DNAH1: variants seen among roughly 807,000 people sequenced by gnomAD.
The protein encoded by DNAH1 is axonemal beta dynein heavy chain 1.
A neutral mutation model predicts 484.3 loss-of-function variants in DNAH1; 327 were observed. That is an observed-to-expected ratio of 0.68 (90% CI 0.62 to 0.74). The LOEUF (loss-of-function observed/expected upper bound fraction) is 0.74. Ranked by LOEUF, DNAH1 falls within the 30% of genes least tolerant of loss-of-function variation. The pLI, the probability that DNAH1 is intolerant of heterozygous loss-of-function variation, is 0.00. For missense variants in DNAH1, 5,052 were observed against 5,546.8 expected (o/e 0.91, Z 2.83); for synonymous variants, 2,192 against 2,191.9 (o/e 1.00, Z 0.00).
intron 34 of DNAH1, among the ~76,000 whole-genome samples, chr3:52,365,457 A>T (rs575084908): frequency 9.2e-5 from 14 of 152,080 alleles, no homozygotes; most frequent in Non-Finnish European, 1.5e-4. Context: ...GTTGAGTGAC[A>T]CCCCTGGCGT....
intron 8 of DNAH1, among the ~76,000 whole-genome samples, chr3:52,337,431 C>G (rs541373518): frequency 1.4e-4 from 22 of 152,258 alleles, no homozygotes; most frequent in African/African-American, 5.3e-4. Flanking sequence ...CTATTTTGAG[C>G]CTTTCTAAAC....
rs138422594 is a variant in DNAH1 at position 52,350,004 on chromosome 3, C to T, written c.2542C>T (p.Arg848Cys). 2.0e-4 allele frequency: 316 copies of T among 1,610,528 alleles called. No individual in the cohort carries two copies. The highest frequency in any genetic ancestry group is 8.0e-4 in the African/African-American group (60 of 75,006). ...CCACTGCCAGATCTGCGAGGAGTTC[C>T]GCAGCATCAGCCGCAAGATCTATGA... ...KEVDSICEEF[R>C]SISRKIYEKP... The change falls in exon 15 of 78, where the codon CGC becomes TGC. Residue 848 changes from arginine to cysteine, a missense_variant. By Grantham distance (180) the Arg-to-Cys change is radical. Transcript: ENST00000420323.
At chr3:52,370,280 G>A in intron 39 of DNAH1, 51 bp downstream of exon 39, 1 of 1,590,226 alleles carries the variant, frequency 6.3e-7, no homozygotes, top group East Asian at 2.3e-5. Flanking sequence ...TCCCCACACT[G>A]CTCTCCTTGC....
chr3:52,320,783 TTTTC>T (rs1041838126), intron 1 of DNAH1, among the ~76,000 whole-genome samples: 16 of 151,132 alleles, frequency 1.1e-4, no homozygotes, highest in Admixed American at 7.9e-4. Context: ...GATGCTTTCC[TTTTC>T]TTTCTTTCTT....
At chr3:52,359,446 C>T in intron 26 of DNAH1, 60 bp downstream of exon 26, 1 of 1,541,846 alleles carries the variant, frequency 6.5e-7, no homozygotes, top group East Asian at 2.4e-5. Flanking sequence ...ACAGGAGGGC[C>T]CAGTCCCTCC....
intron 5 of DNAH1, among the ~76,000 whole-genome samples, chr3:52,327,197 T>C (rs889923570): frequency 6.6e-6 from 1 of 151,820 alleles, no homozygotes; most frequent in African/African-American, 2.4e-5. Context: ...CTGTGGAGTA[T>C]CCTCCCTGAC....
At chr3:52,385,051 G>A (rs1321247594) in intron 53 of DNAH1, 74 bp downstream of exon 53, 2 of 1,491,112 alleles carry the variant, frequency 1.3e-6, no homozygotes, top group African/African-American at 1.4e-5. Flanking sequence ...CTGACTCCAG[G>A]GTGACACCAT....
At position 52,362,337 on chromosome 3, in the gene DNAH1, G is replaced by A; in HGVS notation, c.4981-51G>A. ...GACAAGGGGCCCACTCAGAGGAGGG[G>A]ACAAGGCTGGGCACCCTAGTCCCAG... On this transcript the variant is annotated intron_variant, in intron 30 of 77. Transcript: ENST00000420323. This position sits in a 1 kb window ranked among gnomAD's most constrained non-coding sequence, Gnocchi z 5.1. 6.5e-7 allele frequency: 1 copy of A among 1,526,958 alleles called. No homozygotes were observed. Among genetic ancestry groups the A allele is most frequent in the Non-Finnish European group, 9.0e-7 (1 of 1,112,712 alleles). 94.6% of individuals were successfully genotyped at this position (1,526,958 alleles called of 1,614,324 possible). A position where few individuals can be genotyped will look rare whatever the true frequency, so the allele number is the denominator to read the frequency against.
intron 52 of DNAH1, 25 bp from the exon 53 acceptor site, chr3:52,384,761 G>A (rs779576658): frequency 2.2e-5 from 34 of 1,566,512 alleles, no homozygotes; most frequent in Admixed American, 7.4e-5. Context: ...CTACCAGGCC[G>A]GCATCCATGG....
At position 52,353,897 on chromosome 3, in the gene DNAH1, A is replaced by C. The variant is rs1011273162; in HGVS notation, c.3480+264A>C. 102 of 480,434 alleles carry C rather than the reference A, an allele frequency of 2.1e-4. No homozygotes were observed. Among genetic ancestry groups the C allele is most frequent in the Non-Finnish European group, 3.6e-4 (95 of 265,846 alleles). The allele number at this position is 480,434 out of a possible 1,614,324, so 29.8% of individuals were successfully genotyped here. A position where few individuals can be genotyped will look rare whatever the true frequency, so the allele number is the denominator to read the frequency against. On this transcript the variant is annotated intron_variant, in intron 20 of 77. Coordinates refer to ENST00000420323, the MANE Select transcript of DNAH1 (RefSeq NM_015512.5). The surrounding 1 kb of genome is among the most constrained non-coding windows in gnomAD (Gnocchi z 5.0). ...GAGCTAATAGCATTAGCCTCAATTTAACAGATGTGTCAGGCCGGGTGCAGT... is the reference window on the plus strand; with the variant it reads ...GAGCTAATAGCATTAGCCTCAATTTCACAGATGTGTCAGGCCGGGTGCAGT...
chr3:52,344,493 TC>T lies in DNAH1; in HGVS notation c.1291del (p.Leu431Ter). 6.2e-7 allele frequency: 1 copy of T among 1,613,776 alleles called. No homozygotes were observed. Among genetic ancestry groups the T allele is most frequent in the Non-Finnish European group, 8.5e-7 (1 of 1,179,728 alleles). ...TPRMRKGPSV[L>X]EHLSSLAREV... is the part of the protein sequence containing the mutation. ...CATCTCCCATCTCTATGGGCAGGGT[TC>T]TAGAGCACCTCAGCAGTCTTGCCAG... On this transcript the variant is annotated frameshift_variant, in exon 9 of 78. Transcript: ENST00000420323. LOFTEE classifies it high-confidence loss of function.
intron 15 of DNAH1, 25 bp downstream of exon 15, chr3:52,350,133 G>C: frequency 6.2e-7 from 1 of 1,604,174 alleles, no homozygotes; most frequent in South Asian, 1.1e-5. Context: ...CGGGCACTGG[G>C]GCCAGGGAGG....
chr3:52,374,692 C>CA (rs748345416), intron 44 of DNAH1: 1 of 1,417,466 alleles, frequency 7.1e-7, no homozygotes, highest in Non-Finnish European at 1.0e-6. Context: ...TACCACAACT[C>CA]AAAGACCCAT....
chr3:52,351,071 A>G (rs1002063032), intron 16 of DNAH1, among the ~76,000 whole-genome samples: 1 of 152,110 alleles, frequency 6.6e-6, no homozygotes, highest in African/African-American at 2.4e-5. Context: ...GCTGGTCTCG[A>G]ACTCCTGACC....
At chr3:52,346,398 A>G (rs1040948408) in intron 10 of DNAH1, 74 bp from the exon 11 acceptor site, 1 of 1,455,550 alleles carries the variant, frequency 6.9e-7, no homozygotes, top group African/African-American at 1.4e-5. Flanking sequence ...ACCCTGGTGC[A>G]TAGAGTCCCT....
In DNAH1 at chr3:52,353,868, G is replaced by GA; in HGVS notation, c.3480+237dup. The GA allele has an allele frequency of 1.7e-6, 1 of 585,658 alleles. No individual in the cohort carries two copies. The highest frequency in any genetic ancestry group is 2.0e-5 in the South Asian group (1 of 50,050). The allele number at this position is 585,658 out of a possible 1,614,324, so 36.3% of individuals were successfully genotyped here. On this transcript the variant is annotated intron_variant, in intron 20 of 77. Transcript: ENST00000420323. This position sits in a 1 kb window ranked among gnomAD's most constrained non-coding sequence, Gnocchi z 5.0. The stretch of plus-strand genomic sequence containing the variant: ...CAGTTACTCCTCTCAAGAGCCCCAG[G>GA]AAGGAGCTAATAGCATTAGCCTCAA...
upstream of DNAH1, among the ~76,000 whole-genome samples, chr3:52,314,526 A>G (rs1286307442): frequency 6.6e-6 from 1 of 152,188 alleles, no homozygotes; most frequent in African/African-American, 2.4e-5. Flanking sequence ...GGGTTGCTCT[A>G]TCTTCCAGTC....
At position 52,395,518 on chromosome 3, in the gene DNAH1, C is replaced by A; in HGVS notation, c.11128-29C>A. On this transcript the variant is annotated intron_variant, in intron 69 of 77. Transcript: ENST00000420323. The surrounding 1 kb of genome is among the most constrained non-coding windows in gnomAD (Gnocchi z 4.4). ...GTGGGCTGGGGGGTGGGCAAGCTGGCCCCCTGCTCAGTGCTCTTGCCCCTG... is the reference window on the plus strand; with the variant it reads ...GTGGGCTGGGGGGTGGGCAAGCTGGACCCCTGCTCAGTGCTCTTGCCCCTG... 1 of 1,613,092 alleles carries A rather than the reference C, an allele frequency of 6.2e-7. No individual in the cohort carries two copies. The highest frequency in any genetic ancestry group is 8.5e-7 in the Non-Finnish European group (1 of 1,179,528).
At position 52,364,352 on chromosome 3, in the gene DNAH1, G is replaced by A. The variant is rs764206910; in HGVS notation, c.5245-286G>A. ...TTCACTTTTCCAGCACAACTAGAGG[G>A]CCCTCCTGCCCCTGGCCATGTGCTG... On this transcript the variant is annotated intron_variant, in intron 32 of 77. Coordinates refer to ENST00000420323, the MANE Select transcript of DNAH1 (RefSeq NM_015512.5). The surrounding 1 kb of genome is among the most constrained non-coding windows in gnomAD (Gnocchi z 4.2). Among the ~76,000 whole-genome samples, 3 of 152,228 alleles carry A rather than the reference G, an allele frequency of 2.0e-5. No homozygotes were observed. Among genetic ancestry groups the A allele is most frequent in the Non-Finnish European group, 4.4e-5 (3 of 68,034 alleles).
Sources: gnomAD v4.1 joint callset for allele counts (sites outside exome capture counted in the v4.1 genomes callset) on GRCh38, gnomAD v4.1.1 for gene constraint, Gnocchi (gnomAD v3.1) non-coding constraint, MANE v1.5 for transcripts, NCBI Gene and HGNC (gene_info 2026-07-23, HGNC 2026-07-21) for gene names.